UBE2H: variants seen among roughly 807,000 people sequenced by gnomAD.
The protein encoded by UBE2H is ubiquitin-conjugating enzyme E2 H.
UBE2H carries 3 observed loss-of-function variants against 29.0 expected under a neutral mutation model. That is an observed-to-expected ratio of 0.10 (90% CI 0.05 to 0.27). The LOEUF is 0.27. UBE2H is among the 10% of genes least tolerant of loss of function. The pLI is 1.00. For missense variants in UBE2H, 68 were observed against 228.2 expected, an observed-to-expected ratio of 0.30 and a Z score of 4.52; for synonymous variants, 69 against 82.9, an observed-to-expected ratio of 0.83 and a Z score of 0.91.
chr7:129,950,768 G>A (rs1245807880), intron 1 of UBE2H, among the ~76,000 whole-genome samples: 5 of 152,110 alleles, frequency 3.3e-5, no homozygotes, highest in Admixed American at 2.0e-4. Context: ...AATAAAACCC[G>A]AAACTGCTTT....
intron 3 of UBE2H, 78 bp from the exon 4 acceptor site, chr7:129,859,019 A>G: frequency 8.3e-7 from 1 of 1,199,978 alleles, no homozygotes; most frequent in Non-Finnish European, 1.2e-6. Flanking sequence ...AAACAATTTC[A>G]GTATTGGGAA....
intron 1 of UBE2H, among the ~76,000 whole-genome samples, chr7:129,893,549 G>A (rs1316483156): frequency 2.0e-5 from 3 of 151,766 alleles, no homozygotes; most frequent in Non-Finnish European, 4.4e-5. Context: ...GAAAAGTGAA[G>A]GGAAATAGGG....
intron 3 of UBE2H, among the ~76,000 whole-genome samples, chr7:129,868,913 A>C (rs1805970453): frequency 6.9e-6 from 1 of 145,190 alleles, no homozygotes. Flanking sequence ...CATACTCCTG[A>C]CACCCGGGTC....
intron 1 of UBE2H, among the ~76,000 whole-genome samples, chr7:129,921,992 AT>A (rs928679326): frequency 3.3e-4 from 49 of 146,570 alleles, no homozygotes; most frequent in South Asian, 1.3e-3. Flanking sequence ...TTCTTTTTTA[AT>A]TTTTTTTTTT....
intron 1 of UBE2H, among the ~76,000 whole-genome samples, chr7:129,928,202 G>A (rs754937368): frequency 2.1e-4 from 32 of 151,732 alleles, no homozygotes; most frequent in Middle Eastern, 3.2e-3. Context: ...ATGGTGACAC[G>A]TGCCTGTAGT....
chr7:129,841,740 A>G (rs919509066), intron 5 of UBE2H, among the ~76,000 whole-genome samples: 11 of 152,178 alleles, frequency 7.2e-5, no homozygotes, highest in African/African-American at 2.7e-4. Context: ...TTTCACCTTC[A>G]TAAGGCTGAC....
At chr7:129,900,551 T>C (rs1044817924) in intron 1 of UBE2H, among the ~76,000 whole-genome samples, 2 of 152,188 alleles carry the variant, frequency 1.3e-5, no homozygotes, top group Admixed American at 6.5e-5. Context: ...TTCTTCTTCC[T>C]CTCCATGGAA....
intron 5 of UBE2H, among the ~76,000 whole-genome samples, chr7:129,840,794 A>C (rs754361466): frequency 6.6e-6 from 1 of 152,142 alleles, no homozygotes; most frequent in Non-Finnish European, 1.5e-5. Context: ...ATAAAAAACT[A>C]CTCATTAATT....
rs1805296031 is a variant in UBE2H at position 129,835,008 on chromosome 7, T to C, written c.481A>G (p.Thr161Ala). 2 of 1,614,134 alleles carry C rather than the reference T, an allele frequency of 1.2e-6. No individual in the cohort carries two copies. The highest frequency in any genetic ancestry group is 2.2e-5 in the East Asian group (1 of 44,886). The stretch of plus-strand genomic sequence containing the variant: ...GAGCTCTCCGATGAGCTGTCCCCGG[T>C]ACCCTCTTCCTGTTCTTTCAGCGCC... Reference protein sequence around the residue: ...EEALKEQEEGTGDSSSESSMS... With the variant: ...EEALKEQEEGAGDSSSESSMS... The change falls in exon 7 of 7, where the codon ACC becomes GCC. Residue 161 changes from threonine to alanine, a missense_variant. Physicochemically the swap from Thr to Ala is moderately conservative, Grantham distance 58 (BLOSUM62 0). Coordinates refer to ENST00000355621, the MANE Select transcript of UBE2H (RefSeq NM_003344.4).
chr7:129,867,723 C>A (rs2466981), intron 3 of UBE2H, among the ~76,000 whole-genome samples: 52,673 of 64,896 alleles, frequency 0.81, 20,701 homozygotes, highest in Admixed American at 0.87. Flanking sequence ...AAAAAGAAAA[C>A]CAAAAAAAAA....
At chr7:129,889,183 G>A (rs1347281817) in intron 1 of UBE2H, among the ~76,000 whole-genome samples, 1 of 152,218 alleles carries the variant, frequency 6.6e-6, no homozygotes, top group African/African-American at 2.4e-5. Context: ...TCCATGCACA[G>A]TGCATCTACC....
chr7:129,948,834 T>C (rs1465199662), intron 1 of UBE2H: 2 of 287,470 alleles, frequency 7.0e-6, no homozygotes, highest in African/African-American at 2.2e-5. Context: ...TCTTGTACTC[T>C]AACAGGTCAG....
intron 3 of UBE2H, among the ~76,000 whole-genome samples, chr7:129,871,398 TTC>T (rs1286688451): frequency 6.6e-6 from 1 of 152,250 alleles, no homozygotes; most frequent in Non-Finnish European, 1.5e-5. Context: ...AGAACCTTGT[TTC>T]TCTCTACTGG....
intron 1 of UBE2H, among the ~76,000 whole-genome samples, chr7:129,896,802 A>C (rs776551051): frequency 1.3e-5 from 2 of 152,254 alleles, no homozygotes; most frequent in Admixed American, 6.5e-5. Flanking sequence ...AAGTCAGTGC[A>C]CAAAAATCTC....
chr7:129,874,261 A>C (rs1806101074), intron 3 of UBE2H, among the ~76,000 whole-genome samples: 1 of 151,524 alleles, frequency 6.6e-6, no homozygotes, highest in Non-Finnish European at 1.5e-5. Flanking sequence ...TGGATGTTGC[A>C]AGATCTTTAG....
chr7:129,869,657 G>A (rs999336592), intron 3 of UBE2H, among the ~76,000 whole-genome samples: 5 of 152,162 alleles, frequency 3.3e-5, no homozygotes, highest in Non-Finnish European at 7.4e-5. Flanking sequence ...GTACCAGTAG[G>A]TAGGCATTCA....
intron 1 of UBE2H, among the ~76,000 whole-genome samples, chr7:129,911,582 T>C (rs1440247566): frequency 2.0e-5 from 3 of 152,158 alleles, no homozygotes; most frequent in African/African-American, 7.2e-5. Flanking sequence ...GGCAGGCACC[T>C]ACACTAACCT....
At chr7:129,904,592 C>T (rs114590123) in intron 1 of UBE2H, among the ~76,000 whole-genome samples, 180 of 152,274 alleles carry the variant, frequency 1.2e-3, no homozygotes, top group African/African-American at 4.2e-3. Context: ...GAACGAAATT[C>T]GACTTCCAAG....
intron 1 of UBE2H, among the ~76,000 whole-genome samples, chr7:129,917,575 A>G (rs1161082037): frequency 6.6e-6 from 1 of 152,182 alleles, no homozygotes; most frequent in Non-Finnish European, 1.5e-5. Context: ...TGGGCAATAC[A>G]TGCTTCTGTC....
Sources: allele counts gnomAD v4.1 joint callset (sites outside exome capture counted in the v4.1 genomes callset), GRCh38; gene constraint gnomAD v4.1.1; transcripts MANE v1.5; gene names NCBI Gene and HGNC (gene_info 2026-07-23, HGNC 2026-07-21).